Variants in IL6 observed in about 807,000 individuals in gnomAD.
IL6 encodes interleukin 6, also known as interleukin-6.
A neutral mutation model predicts 18.0 loss-of-function variants in IL6; 5 were observed. The ratio of observed to expected loss-of-function variants is 0.28; its 90% CI spans 0.15 to 0.58. The LOEUF is 0.58. Ranked by LOEUF, IL6 falls within the 20% of genes least tolerant of loss-of-function variation. IL6 has a pLI of 0.90. For synonymous variants in IL6, 97 were observed against 95.1 expected (o/e 1.02, Z -0.12); for missense variants, 266 against 251.0 (o/e 1.06, Z -0.40).
intron 3 of IL6, 95 bp downstream of exon 3, chr7:22,728,901 C>A: frequency 8.3e-6 from 6 of 725,862 alleles, no homozygotes; most frequent in South Asian, 3.2e-5. Context: ...CAGGCAGCAA[C>A]AAAAAGTGGG....
At chr7:22,728,860 C>A in intron 3 of IL6, 54 bp downstream of exon 3, 1 of 989,872 alleles carries the variant, frequency 1.0e-6, no homozygotes, top group Non-Finnish European at 1.6e-6. Flanking sequence ...ACTTCTCCCT[C>A]TTGCATGCAG....
At chr7:22,731,381 C>A (rs753209562) in intron 4 of IL6, 25 bp from the exon 5 acceptor site, 9 of 1,534,148 alleles carry the variant, frequency 5.9e-6, no homozygotes, top group South Asian at 1.2e-5. Flanking sequence ...TTTAAACAAT[C>A]CTTTTTACTT....
At position 22,729,498 on chromosome 7, in the gene IL6, C is replaced by T; in HGVS notation, c.325-16C>T. On this transcript the variant is annotated splice_polypyrimidine_tract_variant and intron_variant, in intron 3 of 4. Coordinates refer to ENST00000258743, the MANE Select transcript of IL6 (RefSeq NM_000600.5). ...CTCCTGGCGATAACCAATTTTCCCA[C>T]CATCTTTCCTCTTAGGAGACTTGCC... 2 of 1,605,292 alleles carry T rather than the reference C, an allele frequency of 1.2e-6. No homozygotes were observed. Among genetic ancestry groups the T allele is most frequent in the Non-Finnish European group, 1.7e-6 (2 of 1,174,024 alleles).
chr7:22,731,248 G>T (rs1015761851), intron 4 of IL6, among the ~76,000 whole-genome samples, 158 bp from the exon 5 acceptor site: 1 of 151,506 alleles, frequency 6.6e-6, no homozygotes, highest in Non-Finnish European at 1.5e-5. Context: ...AAAGAAGTTT[G>T]TTGCTATGGA....
intron 2 of IL6, among the ~76,000 whole-genome samples, chr7:22,727,885 T>C (rs1363350138): frequency 1.3e-5 from 2 of 152,210 alleles, no homozygotes; most frequent in Non-Finnish European, 2.9e-5. Context: ...AGCTGAGGGT[T>C]ATTGCTTCTC....
chr7:22,729,683 A>C, intron 4 of IL6, 23 bp downstream of exon 4: 1 of 1,614,164 alleles, frequency 6.2e-7, no homozygotes, highest in African/African-American at 1.3e-5. Flanking sequence ...TCATTCCCTC[A>C]ACTTGGTGTG....
chr7:22,730,233 A>G (rs1304617259), intron 4 of IL6: 5 of 985,296 alleles, frequency 5.1e-6, no homozygotes, highest in Non-Finnish European at 4.8e-6. Context: ...CCAAAGCTCA[A>G]TAAGAAGGGG....
intron 3 of IL6, 34 bp from the exon 4 acceptor site, chr7:22,729,480 C>A (rs200221659): frequency 1.9e-6 from 3 of 1,597,098 alleles, no homozygotes; most frequent in East Asian, 2.2e-5. Flanking sequence ...TATCTCCTGG[C>A]GATAACCAAT....
intron 2 of IL6, among the ~76,000 whole-genome samples, chr7:22,727,995 T>C (rs1308534221): frequency 6.6e-6 from 1 of 152,194 alleles, no homozygotes; most frequent in East Asian, 1.9e-4. Context: ...AAAGGCATGT[T>C]CAGCTTCTCA....
At chr7:22,730,265 C>T in intron 4 of IL6, 1 of 985,388 alleles carries the variant, frequency 1.0e-6, no homozygotes, top group Non-Finnish European at 1.2e-6. Flanking sequence ...ACCCTTGGTG[C>T]TGATCCTGCC....
At chr7:22,730,252 G>A (rs1365779169) in intron 4 of IL6, 2 of 985,288 alleles carry the variant, frequency 2.0e-6, no homozygotes, top group East Asian at 2.3e-4. Flanking sequence ...GGCCTAGAAT[G>A]AAACCCTTGG....
chr7:22,729,615 T>G lies in IL6; in HGVS notation c.426T>G (p.Ala142=). The G allele has an allele frequency of 6.2e-7, 1 of 1,614,180 alleles. No individual in the cohort carries two copies. Among genetic ancestry groups the G allele is most frequent in the South Asian group, 1.1e-5 (1 of 91,090 alleles). ...AGAGTAGTGAGGAACAAGCCAGAGC[T>G]GTGCAGATGAGTACAAAAGTCCTGA... ...RFESSEEQAR[A]VQMSTKVLIQ... is the part of the protein sequence containing the mutation. The change falls in exon 4 of 5, where the codon GCT becomes GCG. Residue 142 remains alanine (A), a synonymous_variant. Transcript: ENST00000258743.
At position 22,731,570 on chromosome 7, in the gene IL6, G is replaced by A. The variant is rs767834289; in HGVS notation, c.636G>A (p.Met212Ile). ...LQSSLRALRQ[M>I] ...CCAGCCTGAGGGCTCTTCGGCAAAT[G>A]TAGCATGGGCACCTCAGATTGTTGT... Residue 212 changes from methionine to isoleucine, a missense_variant, in exon 5 of 5, where the codon ATG (methionine) becomes ATA (isoleucine). Physicochemically the swap from Met to Ile is conservative, Grantham distance 10. Coordinates refer to ENST00000258743, the MANE Select transcript of IL6 (RefSeq NM_000600.5). 1 of 1,597,048 alleles carries A rather than the reference G, an allele frequency of 6.3e-7. No homozygotes were observed. The highest frequency in any genetic ancestry group is 8.6e-7 in the Non-Finnish European group (1 of 1,168,334).
At chr7:22,728,190 G>A (rs1004089176) in intron 2 of IL6, among the ~76,000 whole-genome samples, 1 of 152,150 alleles carries the variant, frequency 6.6e-6, no homozygotes, top group Admixed American at 6.5e-5. Context: ...CACAGGAGGG[G>A]AGATTGGGAG....
intron 3 of IL6, among the ~76,000 whole-genome samples, chr7:22,729,085 C>T (rs930615531): frequency 6.6e-6 from 1 of 152,216 alleles, no homozygotes; most frequent in African/African-American, 2.4e-5. Context: ...GGGAAAGGTA[C>T]TCTCAGGGCC....
At chr7:22,729,683 A>T (rs1784088103) in intron 4 of IL6, 23 bp downstream of exon 4, 1 of 1,614,046 alleles carries the variant, frequency 6.2e-7, no homozygotes, top group African/African-American at 1.3e-5. Flanking sequence ...TCATTCCCTC[A>T]ACTTGGTGTG....
chr7:22,731,344 C>A, intron 4 of IL6, 62 bp from the exon 5 acceptor site: 1 of 1,298,894 alleles, frequency 7.7e-7, no homozygotes, highest in South Asian at 1.7e-5. Context: ...CCAGAGCATC[C>A]CTCCACTGCA....
At chr7:22,729,685 C>T (rs779921929) in intron 4 of IL6, 25 bp downstream of exon 4, 1 of 1,614,138 alleles carries the variant, frequency 6.2e-7, no homozygotes, top group South Asian at 1.1e-5. Context: ...ATTCCCTCAA[C>T]TTGGTGTGGG....
chr7:22,727,719 T>TAGG, intron 2 of IL6, 85 bp downstream of exon 2: 1 of 1,448,742 alleles, frequency 6.9e-7, no homozygotes, highest in Non-Finnish European at 9.3e-7. Flanking sequence ...CTGCCTGCAT[T>TAGG]AGGAGGTCTT....
Sources: gnomAD v4.1 joint callset for allele counts (sites outside exome capture counted in the v4.1 genomes callset) on GRCh38, gnomAD v4.1.1 for gene constraint, MANE v1.5 for transcripts, NCBI Gene and HGNC (gene_info 2026-07-23, HGNC 2026-07-21) for gene names.